TMC5: variants seen among roughly 807,000 people sequenced by gnomAD.
The protein encoded by TMC5 is transmembrane channel like 5.
Under a neutral mutation model 110.5 loss-of-function variants are expected in TMC5, and 86 were observed. That is an observed-to-expected ratio of 0.78 (90% CI 0.65 to 0.93). TMC5 has a LOEUF of 0.93. TMC5 is among the 40% of genes least tolerant of loss of function. The probability of loss-of-function intolerance (pLI) is 0.00; values close to 1 mark genes in which losing one functional copy is unlikely to be tolerated. For missense variants in TMC5, 1,144 were observed against 1,222.8 expected (o/e 0.94, Z 0.96); for synonymous variants, 455 against 439.5 (o/e 1.04, Z -0.44).
chr16:19,412,367 C>T lies in TMC5; in HGVS notation c.-308+1191C>T, dbSNP rs546078290. 2.4e-3 allele frequency among the ~76,000 whole-genome samples: 356 copies of T among 148,406 alleles called. 2 individuals carry two copies. The highest frequency in any genetic ancestry group is 7.7e-3 in the African/African-American group (308 of 40,106). ...GATTACAGGCATGAGCCACCAAGCCCGACTTTCTTTTTTTTTTTGAGACAG... is the reference window on the plus strand; with the variant it reads ...GATTACAGGCATGAGCCACCAAGCCTGACTTTCTTTTTTTTTTTGAGACAG... On this transcript the variant is annotated intron_variant, in intron 1 of 20. Transcript: ENST00000381414.
In TMC5 at chr16:19,430,603, T is replaced by A. The variant is rs1385550138; in HGVS notation, c.-117T>A. ...CAAGTTGGTTTGCACAACATTTGCA[T>A]CTACTTGGGACAAAGCAAGAACAAT... On this transcript the variant is annotated 5_prime_UTR_variant, in exon 2 of 22. Coordinates refer to ENST00000542583, the MANE Select transcript of TMC5 (RefSeq NM_001261841.2). 1.3e-5 allele frequency: 2 copies of A among 152,414 alleles called. No homozygotes were observed. 9.4% of individuals were successfully genotyped at this position (152,414 alleles called of 1,614,324 possible). A position where few individuals can be genotyped will look rare whatever the true frequency, so the allele number is the denominator to read the frequency against.
intron 5 of TMC5, among the ~76,000 whole-genome samples, chr16:19,451,815 A>ATTT (rs1166023483): frequency 6.6e-6 from 1 of 151,836 alleles, no homozygotes; most frequent in Admixed American, 6.6e-5. Context: ...TATTATTATT[A>ATTT]TTTTTAAGGA....
intron 6 of TMC5, 52 bp from the exon 7 acceptor site, chr16:19,463,228 T>A (rs946883341): frequency 5.8e-6 from 8 of 1,378,528 alleles, no homozygotes; most frequent in Non-Finnish European, 8.3e-6. Context: ...ATTTTTTGAA[T>A]GAATGAGTTG....
At chr16:19,494,066 A>C (rs1223909299) in intron 19 of TMC5, among the ~76,000 whole-genome samples, 196 bp from the exon 20 acceptor site, 1 of 152,114 alleles carries the variant, frequency 6.6e-6, no homozygotes, top group African/African-American at 2.4e-5. Flanking sequence ...CAGTGCAGGA[A>C]GGCTCTGGGG....
At chr16:19,463,443 G>T in intron 7 of TMC5, 76 bp downstream of exon 7, 1 of 1,249,304 alleles carries the variant, frequency 8.0e-7, no homozygotes, top group South Asian at 1.2e-5. Flanking sequence ...GGGACTCAGG[G>T]GGAAGATGAA....
chr16:19,472,111 G>A lies in TMC5; in HGVS notation c.1806G>A (p.Gln602=). Residue 602 remains glutamine, a synonymous_variant, in exon 11 of 22, where the codon CAG becomes CAA. Coordinates refer to ENST00000542583, the MANE Select transcript of TMC5 (RefSeq NM_001261841.2). ...EIRENLSELR[Q]ENSKLTFNQL... ...AGGAGAACCTGTCAGAGCTCCGTCA[G>A]GAGAATTCCAAGTTGACGTTCAATC... 1 of 1,614,166 alleles carries A rather than the reference G, an allele frequency of 6.2e-7. No individual in the cohort carries two copies. Among genetic ancestry groups the A allele is most frequent in the South Asian group, 1.1e-5 (1 of 91,090 alleles).
chr16:19,422,353 G>A (rs960570409), intron 1 of TMC5, among the ~76,000 whole-genome samples: 2 of 152,006 alleles, frequency 1.3e-5, no homozygotes, highest in African/African-American at 4.8e-5. Flanking sequence ...GTGAAAAGAG[G>A]GACATTTAGG....
upstream of TMC5, among the ~76,000 whole-genome samples, chr16:19,417,260 A>T (rs1024007766): frequency 5.5e-4 from 83 of 151,450 alleles, no homozygotes; most frequent in Admixed American, 1.1e-3. Flanking sequence ...CTCTTCAAAA[A>T]ATACAAAAAT....
At chr16:19,484,770 G>GAA (rs79947486) in intron 15 of TMC5, among the ~76,000 whole-genome samples, 253 of 103,990 alleles carry the variant, frequency 2.4e-3, no homozygotes, top group African/African-American at 7.3e-3. Context: ...TCTCAAAAAG[G>GAA]AAAAAAAAAA....
chr16:19,421,868 C>T (rs1354739066), intron 1 of TMC5, among the ~76,000 whole-genome samples: 1 of 152,262 alleles, frequency 6.6e-6, no homozygotes, highest in Non-Finnish European at 1.5e-5. Flanking sequence ...AGGAGGATGG[C>T]TTGGGCCTAG....
chr16:19,488,915 T>C (rs1567326684), intron 17 of TMC5, among the ~76,000 whole-genome samples: 1 of 152,224 alleles, frequency 6.6e-6, no homozygotes, highest in East Asian at 1.9e-4. Context: ...CATGGTTGAA[T>C]GAACAATTGA....
intron 1 of TMC5, among the ~76,000 whole-genome samples, chr16:19,420,883 A>G (rs898051972): frequency 1.3e-5 from 2 of 152,246 alleles, no homozygotes; most frequent in African/African-American, 4.8e-5. Flanking sequence ...ATCCAAAGCA[A>G]AATAGTGGCT....
rs549204087 is a variant in TMC5 at position 19,471,886 on chromosome 16, G to A, written c.1783-202G>A. 7.9e-5 allele frequency among the ~76,000 whole-genome samples: 12 copies of A among 152,112 alleles called. No homozygotes were observed. In the South Asian group the frequency reaches 2.3e-3, roughly 29 times the overall value. Reference sequence around the variant, plus strand: ...AGTGATTCTCCTGCCTCAGCCTCCCGAGTAGCTGGGATTACAGGCATGCAC... The same window carrying A: ...AGTGATTCTCCTGCCTCAGCCTCCCAAGTAGCTGGGATTACAGGCATGCAC... On this transcript the variant is annotated intron_variant, in intron 10 of 21. Coordinates refer to ENST00000542583, the MANE Select transcript of TMC5 (RefSeq NM_001261841.2).
chr16:19,474,820 G>A (rs1410545762), intron 12 of TMC5: 2 of 152,800 alleles, frequency 1.3e-5, no homozygotes, highest in Non-Finnish European at 2.9e-5. Context: ...CACGCACAAA[G>A]GCTCCTGGGC....
At chr16:19,448,628 A>G (rs1335299729) in intron 4 of TMC5, among the ~76,000 whole-genome samples, 3 of 147,184 alleles carry the variant, frequency 2.0e-5, no homozygotes, top group East Asian at 1.9e-4. Flanking sequence ...TAAAATATAT[A>G]TTAATATATA....
chr16:19,424,650 A>T (rs1446084686), intron 1 of TMC5, among the ~76,000 whole-genome samples: 1 of 151,584 alleles, frequency 6.6e-6, no homozygotes, highest in Non-Finnish European at 1.5e-5. Context: ...ACTCTGTCTT[A>T]AAAAAAAAGA....
intron 6 of TMC5, chr16:19,462,464 T>C (rs1481968970): frequency 2.9e-6 from 2 of 698,512 alleles, no homozygotes; most frequent in East Asian, 2.7e-5. Flanking sequence ...GGGTGATTTA[T>C]AAAGGAAAGA....
chr16:19,463,732 T>C (rs1235861754), intron 7 of TMC5, 44 bp from the exon 8 acceptor site: 1 of 1,597,640 alleles, frequency 6.3e-7, no homozygotes. Context: ...TCGATATTTG[T>C]TGAGTCAACA....
chr16:19,469,988 G>A (rs1254761237), intron 10 of TMC5, among the ~76,000 whole-genome samples, 163 bp downstream of exon 10: 2 of 151,480 alleles, frequency 1.3e-5, no homozygotes, highest in African/African-American at 2.4e-5. Context: ...TCCGCCTCCC[G>A]GGTTCACGCC....
Sources: allele counts gnomAD v4.1 joint callset (sites outside exome capture counted in the v4.1 genomes callset), GRCh38; gene constraint gnomAD v4.1.1; transcripts MANE v1.5; gene names NCBI Gene and HGNC (gene_info 2026-07-23, HGNC 2026-07-21).